Variants in MXI1 observed in about 807,000 individuals in gnomAD.
MXI1 encodes MAX interactor 1, dimerization protein.
Under a neutral mutation model 36.9 loss-of-function variants are expected in MXI1, and 18 were observed. The ratio of observed to expected loss-of-function variants is 0.49; its 90% CI spans 0.34 to 0.72. MXI1 has a LOEUF of 0.72. Ranked by LOEUF, MXI1 falls within the 30% of genes least tolerant of loss-of-function variation. MXI1 has a pLI of 0.01. For synonymous variants in MXI1, 160 were observed against 146.7 expected (o/e 1.09, Z -0.65); for missense variants, 304 against 379.1 (o/e 0.80, Z 1.64).
chr10:110,239,996 A>T (rs891290595), intron 2 of MXI1, among the ~76,000 whole-genome samples: 3 of 151,182 alleles, frequency 2.0e-5, no homozygotes, highest in Non-Finnish European at 4.4e-5. Flanking sequence ...TTTGAACTTT[A>T]TGTGAATGGA....
chr10:110,243,081 C>T (rs1855732103), intron 2 of MXI1, among the ~76,000 whole-genome samples: 1 of 151,828 alleles, frequency 6.6e-6, no homozygotes, highest in South Asian at 2.1e-4. Flanking sequence ...CCTTTTCCCT[C>T]TTCTAACTTG....
intron 5 of MXI1, among the ~76,000 whole-genome samples, chr10:110,280,477 G>A (rs113874537): frequency 2.4e-3 from 362 of 151,862 alleles, no homozygotes; most frequent in African/African-American, 8.2e-3. Flanking sequence ...TCAGGAGATC[G>A]AGGCCATCCT....
At position 110,223,458 on chromosome 10, in the gene MXI1, G is replaced by A. The variant is rs1854870348; in HGVS notation, c.275-4731G>A. The stretch of plus-strand genomic sequence containing the variant: ...TAGCTGGGCGTGGTGGCAGGCGCCT[G>A]TAACCCCAGCTACTTGGGAGGCTGT... On this transcript the variant is annotated intron_variant, in intron 1 of 5. Transcript: ENST00000332674. Among the ~76,000 whole-genome samples, 7 of 152,152 alleles carry A rather than the reference G, an allele frequency of 4.6e-5. No individual in the cohort carries two copies. The South Asian group carries it at 1.5e-3, about 32-fold the overall frequency.
chr10:110,276,752 G>A (rs1021261960), intron 3 of MXI1, among the ~76,000 whole-genome samples: 2 of 151,836 alleles, frequency 1.3e-5, no homozygotes, highest in African/African-American at 4.8e-5. Flanking sequence ...GTTTTAGCAA[G>A]TATCACAAAA....
At chr10:110,219,693 A>G (rs982896016) in intron 1 of MXI1, among the ~76,000 whole-genome samples, 6 of 152,230 alleles carry the variant, frequency 3.9e-5, no homozygotes, top group African/African-American at 1.2e-4. Flanking sequence ...CACTTACTCT[A>G]CTTGCTTATC....
intron 3 of MXI1, among the ~76,000 whole-genome samples, chr10:110,269,855 G>C (rs1264263218): frequency 6.6e-6 from 1 of 152,012 alleles, no homozygotes; most frequent in Non-Finnish European, 1.5e-5. Context: ...TTTTTCTTTT[G>C]GACAGCAACA....
At chr10:110,211,778 A>C (rs1311563458) in intron 1 of MXI1, among the ~76,000 whole-genome samples, 2 of 152,234 alleles carry the variant, frequency 1.3e-5, no homozygotes, top group East Asian at 3.8e-4. Flanking sequence ...TAGGAAAGGC[A>C]GGTACATTCT....
chr10:110,280,452 G>A (rs527419802), intron 5 of MXI1, among the ~76,000 whole-genome samples: 42 of 151,938 alleles, frequency 2.8e-4, no homozygotes, highest in African/African-American at 9.6e-4. Flanking sequence ...AGGCCAAGGC[G>A]GGCAGATCAC....
At chr10:110,215,066 G>A (rs1176214098) in intron 1 of MXI1, among the ~76,000 whole-genome samples, 3 of 105,658 alleles carry the variant, frequency 2.8e-5, no homozygotes, top group African/African-American at 3.9e-5. Context: ...TTTTGAGATG[G>A]AGTCTCACTC....
At chr10:110,226,004 C>G in intron 1 of MXI1, 1 of 982,956 alleles carries the variant, frequency 1.0e-6, no homozygotes, top group Non-Finnish European at 1.2e-6. Flanking sequence ...GTAAACAAAC[C>G]ACGCGCGGGC....
At chr10:110,264,245 TTTCA>T (rs1222796396) in intron 3 of MXI1, among the ~76,000 whole-genome samples, 21 of 152,298 alleles carry the variant, frequency 1.4e-4, no homozygotes, top group African/African-American at 4.6e-4. Flanking sequence ...TTTTAGTGAG[TTTCA>T]AATATGGTAT....
chr10:110,227,528 C>G (rs1855095563), intron 1 of MXI1: 1 of 983,904 alleles, frequency 1.0e-6, no homozygotes, highest in African/African-American at 1.8e-5. Flanking sequence ...TTGGAGGGCC[C>G]CGGAGCGGGA....
intron 2 of MXI1, among the ~76,000 whole-genome samples, chr10:110,232,362 AT>A (rs924180895): frequency 1.9e-4 from 29 of 151,998 alleles, no homozygotes; most frequent in African/African-American, 6.8e-4. Flanking sequence ...GCAGGGAATC[AT>A]TTTCCCTCCC....
intron 5 of MXI1, 39 bp from the exon 6 acceptor site, chr10:110,284,785 G>A (rs1033239519): frequency 2.6e-6 from 4 of 1,525,178 alleles, no homozygotes; most frequent in East Asian, 2.4e-5. Flanking sequence ...CGCTATACTC[G>A]ATAATTAATG....
chr10:110,277,304 G>A, intron 3 of MXI1, among the ~76,000 whole-genome samples: 1 of 152,228 alleles, frequency 6.6e-6, no homozygotes, highest in Admixed American at 6.5e-5. Context: ...ATTTAAAGCA[G>A]GATTGTCTAT....
At chr10:110,232,144 T>C (rs989976599) in intron 2 of MXI1, among the ~76,000 whole-genome samples, 1 of 152,162 alleles carries the variant, frequency 6.6e-6, no homozygotes, top group African/African-American at 2.4e-5. Context: ...GTATTTTTAG[T>C]AGAGACAGGG....
intron 1 of MXI1, among the ~76,000 whole-genome samples, chr10:110,219,414 C>T (rs1319376872): frequency 2.6e-5 from 4 of 152,182 alleles, no homozygotes; most frequent in Admixed American, 6.5e-5. Flanking sequence ...ATCCAAACTC[C>T]TTGTCATGGC....
intron 1 of MXI1, among the ~76,000 whole-genome samples, chr10:110,213,067 G>A (rs1160154568): frequency 3.3e-5 from 5 of 152,304 alleles, no homozygotes; most frequent in African/African-American, 9.6e-5. Context: ...CAGGGGACAC[G>A]TGACAGCCTT....
intron 1 of MXI1, among the ~76,000 whole-genome samples, chr10:110,219,107 C>G (rs1854730417): frequency 6.6e-6 from 1 of 152,176 alleles, no homozygotes; most frequent in Admixed American, 6.5e-5. Flanking sequence ...CGAGACCAGC[C>G]TGGCCAATAT....
Sources: allele counts gnomAD v4.1 joint callset (sites outside exome capture counted in the v4.1 genomes callset), GRCh38; gene constraint gnomAD v4.1.1; transcripts MANE v1.5; gene names NCBI Gene and HGNC (gene_info 2026-07-23, HGNC 2026-07-21).